Variants in OPCML observed in about 807,000 individuals in gnomAD.
OPCML encodes the protein opioid binding protein/cell adhesion molecule like.
A neutral mutation model predicts 37.8 loss-of-function variants in OPCML; 13 were observed. The ratio of observed to expected loss-of-function variants is 0.34; its 90% CI spans 0.22 to 0.55. The LOEUF is 0.55. OPCML is among the 20% of genes least tolerant of loss of function. The pLI, the probability that OPCML is intolerant of heterozygous loss-of-function variation, is 0.91. For missense variants in OPCML, 341 were observed against 435.6 expected, an observed-to-expected ratio of 0.78 and a Z score of 1.93; for synonymous variants, 176 against 168.8, an observed-to-expected ratio of 1.04 and a Z score of -0.33.
chr11:133,419,205 G>A (rs1203010954), intron 1 of OPCML: 18 of 980,738 alleles, frequency 1.8e-5, no homozygotes, highest in Non-Finnish European at 2.2e-5. Context: ...TGTGCAACGG[G>A]CCAGGAGACC....
At chr11:133,140,531 T>TAATAATAATAAG (rs1272061685) in intron 1 of OPCML, among the ~76,000 whole-genome samples, 1,431 of 88,048 alleles carry the variant, frequency 0.016, 27 homozygotes, top group Middle Eastern at 0.055. Context: ...ATAATAATAA[T>TAATAATAATAAG]AAGAAGAAGA....
At chr11:132,569,320 C>A (rs377488715) in intron 3 of OPCML, among the ~76,000 whole-genome samples, 44 of 152,310 alleles carry the variant, frequency 2.9e-4, no homozygotes, top group East Asian at 2.5e-3. Flanking sequence ...TGGCCATCAA[C>A]AAGCCAACGT....
chr11:133,103,785 T>A (rs1337762017), intron 1 of OPCML, among the ~76,000 whole-genome samples: 1 of 152,178 alleles, frequency 6.6e-6, no homozygotes, highest in African/African-American at 2.4e-5. Context: ...GTAAGTAAAG[T>A]TGCTGGTGTC....
At chr11:133,375,242 G>A (rs962179508) in intron 1 of OPCML, among the ~76,000 whole-genome samples, 13 of 152,196 alleles carry the variant, frequency 8.5e-5, no homozygotes, top group South Asian at 2.1e-4. Context: ...CGCATGTCGC[G>A]TATGTAAGTT....
Position 132,574,036 on chromosome 11 carries a change from T to C in OPCML, c.380-44850A>G, listed in dbSNP as rs544881364. On this transcript the variant is annotated intron_variant, in intron 3 of 7. Coordinates refer to ENST00000524381, the MANE Select transcript of OPCML (RefSeq NM_001012393.5). The stretch of plus-strand genomic sequence containing the variant: ...CTTAATTGTTCATAGTAGTCTTTCA[T>C]GTTCTTTTTTATTTTAAATGGTGCC... Among the ~76,000 whole-genome samples, 11 of 152,064 alleles carry C rather than the reference T, an allele frequency of 7.2e-5. No individual in the cohort carries two copies. In the East Asian group the frequency reaches 2.1e-3, roughly 29 times the overall value.
intron 1 of OPCML, among the ~76,000 whole-genome samples, chr11:133,442,960 T>G (rs577538566): frequency 6.6e-6 from 1 of 152,302 alleles, no homozygotes; most frequent in Admixed American, 6.5e-5. Flanking sequence ...ACATGATACT[T>G]AATAGCAATA....
chr11:132,954,378 A>G (rs894877682), intron 1 of OPCML, among the ~76,000 whole-genome samples: 2 of 152,138 alleles, frequency 1.3e-5, no homozygotes, highest in Non-Finnish European at 1.5e-5. Flanking sequence ...GGTTCTTGGA[A>G]AGCTGCTCAA....
chr11:132,923,271 G>T (rs989086224), intron 2 of OPCML, among the ~76,000 whole-genome samples: 1 of 152,032 alleles, frequency 6.6e-6, no homozygotes, highest in Non-Finnish European at 1.5e-5. Context: ...CACCAAACTA[G>T]TTTTCCTTGT....
intron 2 of OPCML, among the ~76,000 whole-genome samples, chr11:132,828,600 C>T (rs1355243284): frequency 6.6e-6 from 1 of 151,272 alleles, no homozygotes; most frequent in Non-Finnish European, 1.5e-5. Context: ...AACCAGAAAA[C>T]AAAATTATCC....
At chr11:132,889,082 G>A (rs1187398483) in intron 2 of OPCML, among the ~76,000 whole-genome samples, 1 of 152,190 alleles carries the variant, frequency 6.6e-6, no homozygotes, top group South Asian at 2.1e-4. Context: ...AATGAAAGAA[G>A]GTGGCTTTTG....
At chr11:133,417,946 A>AT (rs1298480107) in intron 1 of OPCML, among the ~76,000 whole-genome samples, 1 of 152,114 alleles carries the variant, frequency 6.6e-6, no homozygotes, top group African/African-American at 2.4e-5. Flanking sequence ...ATATAGGAAA[A>AT]AAAAACAGAA....
chr11:133,122,440 TA>T (rs771853213), intron 1 of OPCML, among the ~76,000 whole-genome samples: 6 of 152,176 alleles, frequency 3.9e-5, no homozygotes, highest in Non-Finnish European at 8.8e-5. Context: ...GTCAGATCTC[TA>T]GTTCCAAAAC....
chr11:132,710,478 T>C (rs1178177311), intron 2 of OPCML, among the ~76,000 whole-genome samples: 1 of 152,204 alleles, frequency 6.6e-6, no homozygotes, highest in Admixed American at 6.5e-5. Context: ...AAGTTGCTCA[T>C]GATTTGGTTA....
At chr11:133,386,991 G>A (rs1311682390) in intron 1 of OPCML, among the ~76,000 whole-genome samples, 1 of 152,186 alleles carries the variant, frequency 6.6e-6, no homozygotes, top group African/African-American at 2.4e-5. Context: ...CACTAAGGAC[G>A]ATGACAGCAC....
intron 2 of OPCML, among the ~76,000 whole-genome samples, chr11:132,903,959 A>G (rs1417128778): frequency 6.6e-6 from 1 of 152,260 alleles, no homozygotes; most frequent in Admixed American, 6.5e-5. Flanking sequence ...CTGAAATCAG[A>G]AATCAGCTAT....
intron 1 of OPCML, among the ~76,000 whole-genome samples, chr11:133,070,565 G>A (rs1393185497): frequency 1.3e-5 from 2 of 152,200 alleles, no homozygotes; most frequent in African/African-American, 2.4e-5. Context: ...CCTACTTTCA[G>A]AGCCTATGAA....
At chr11:132,661,040 G>C (rs1001286173) in intron 2 of OPCML, among the ~76,000 whole-genome samples, 1 of 152,092 alleles carries the variant, frequency 6.6e-6, no homozygotes, top group East Asian at 1.9e-4. Context: ...GTGGCCACAG[G>C]CTTGAGTAAG....
intron 1 of OPCML, among the ~76,000 whole-genome samples, chr11:133,334,218 A>G (rs566825050): frequency 1.3e-5 from 2 of 152,366 alleles, no homozygotes; most frequent in East Asian, 3.9e-4. Context: ...CACTCTTCAA[A>G]CAGCAAAGAC....
chr11:133,288,546 A>G (rs1318202264), intron 1 of OPCML, among the ~76,000 whole-genome samples: 7 of 152,214 alleles, frequency 4.6e-5, no homozygotes, highest in Non-Finnish European at 7.3e-5. Context: ...GTAAGGCCAC[A>G]GCTCACATAA....
Sources: gnomAD v4.1 joint callset for allele counts (sites outside exome capture counted in the v4.1 genomes callset) on GRCh38, gnomAD v4.1.1 for gene constraint, MANE v1.5 for transcripts, NCBI Gene and HGNC (gene_info 2026-07-23, HGNC 2026-07-21) for gene names.